The following KDM5B variants were observed in gnomAD, a reference collection of about 807,000 sequenced individuals.
KDM5B encodes the protein lysine-specific demethylase 5B.
KDM5B carries 144 observed loss-of-function variants against 193.4 expected under a neutral mutation model. The observed-to-expected ratio is 0.74, with a 90% CI of 0.65 to 0.86. KDM5B has a LOEUF of 0.86. Among genes scored for constraint, KDM5B ranks in the 40% least tolerant of loss-of-function variants. The pLI is 0.00. For missense variants in KDM5B, 1,833 were observed against 1,886.9 expected (o/e 0.97, Z 0.53); for synonymous variants, 668 against 682.6 (o/e 0.98, Z 0.33).
In KDM5B at chr1:202,740,776, T is replaced by C. The variant is rs1387984300; in HGVS notation, c.2982A>G (p.Val994=). ...RHSLNSLATA[V]KEIEEIPAYL... is the part of the protein sequence containing the mutation. ...ATGCAGGGATCTCTTCGATTTCCTTTACTGCCGTAGCAAGGCTATTCAATG... is the reference window on the plus strand; with the variant it reads ...ATGCAGGGATCTCTTCGATTTCCTTCACTGCCGTAGCAAGGCTATTCAATG... Residue 994 remains valine, a synonymous_variant, in exon 20 of 27, where the codon GTA becomes GTG. Transcript: ENST00000367265. 17 of 1,612,798 alleles carry C rather than the reference T, an allele frequency of 1.1e-5. No homozygotes were observed. Among genetic ancestry groups the C allele is most frequent in the Admixed American group, 3.3e-5 (2 of 60,008 alleles).
In KDM5B at chr1:202,762,732, C is replaced by T; in HGVS notation, c.885G>A (p.Lys295=). 1 of 1,609,268 alleles carries T rather than the reference C, an allele frequency of 6.2e-7. No individual in the cohort carries two copies. The part of the protein sequence containing the change: ...KDYIVENEKE[K]PKSRSKKATN... ...TGGCTTTTTTAGATCGACTCTTGGG[C>T]TTTTCCTTCTCATTTTCTACAATAT... Residue 295 remains lysine, a synonymous_variant, in exon 7 of 27, where the codon AAG becomes AAA. Coordinates refer to ENST00000367265, the MANE Select transcript of KDM5B (RefSeq NM_006618.5).
In KDM5B at chr1:202,745,805, A is replaced by T. The variant is rs933471837; in HGVS notation, c.2323+53T>A. On this transcript the variant is annotated intron_variant, in intron 16 of 26. Transcript: ENST00000367265. ...GTTTTGTTGACTTTAATTTGGCTAC[A>T]TCACAATAAGCCCCAATTTGCCAAT... 5.6e-6 allele frequency: 9 copies of T among 1,604,048 alleles called. No homozygotes were observed. In the African/African-American group the frequency reaches 1.1e-4, roughly 19 times the overall value.
chr1:202,783,305 C>T (rs1657272905), intron 1 of KDM5B, among the ~76,000 whole-genome samples: 1 of 151,226 alleles, frequency 6.6e-6, no homozygotes, highest in Non-Finnish European at 1.5e-5. Context: ...AAGAGACCAG[C>T]CCAGACTCGG....
intron 20 of KDM5B, 56 bp from the exon 21 acceptor site, chr1:202,736,448 A>C: frequency 7.2e-7 from 1 of 1,381,380 alleles, no homozygotes; most frequent in African/African-American, 1.5e-5. Flanking sequence ...TCTATGAAAA[A>C]CAGGAAAAGC....
intron 1 of KDM5B, among the ~76,000 whole-genome samples, chr1:202,789,390 G>A (rs1657543451): frequency 6.6e-6 from 1 of 150,676 alleles, no homozygotes; most frequent in South Asian, 2.1e-4. Flanking sequence ...ACGCGGTGGT[G>A]GGCGCCTATA....
Position 202,726,988 on chromosome 1 carries a change from CAT to C in KDM5B, c.*2046_*2047del, listed in dbSNP as rs1654695558. 6.6e-6 allele frequency: 1 copy of C among 152,216 alleles called. No homozygotes were observed. Among genetic ancestry groups the C allele is most frequent in the African/African-American group, 2.4e-5 (1 of 41,450 alleles). 9.4% of individuals were successfully genotyped at this position (152,216 alleles called of 1,614,324 possible). ...AGGGAGGGAGTGGTTCAAATACACA[CAT>C]GCCTACCTTTTCTAACTCACTCAGA... On this transcript the variant is annotated 3_prime_UTR_variant, in exon 27 of 27. Coordinates refer to ENST00000367265, the MANE Select transcript of KDM5B (RefSeq NM_006618.5).
intron 1 of KDM5B, among the ~76,000 whole-genome samples, chr1:202,786,520 A>G (rs1324418980): frequency 6.6e-6 from 1 of 152,180 alleles, no homozygotes; most frequent in Non-Finnish European, 1.5e-5. Flanking sequence ...GCAGTATTTC[A>G]CATTTATTAG....
At position 202,729,050 on chromosome 1, in the gene KDM5B, G is replaced by T; in HGVS notation, c.4621C>A (p.Pro1541Thr). ...ICVRCTVKDA[P>T]SRK ...TTTTTGTGTTTTTACTTTCGGCTTGGTGCGTCCTTCACAGTACAGCGCACA... is the reference window on the plus strand; with the variant it reads ...TTTTTGTGTTTTTACTTTCGGCTTGTTGCGTCCTTCACAGTACAGCGCACA... Residue 1541 changes from proline (P) to threonine (T), a missense_variant, in exon 27 of 27, where the codon CCA becomes ACA. Coordinates refer to ENST00000367265, the MANE Select transcript of KDM5B (RefSeq NM_006618.5). The T allele has an allele frequency of 6.2e-7, 1 of 1,613,964 alleles. No homozygotes were observed. Among genetic ancestry groups the T allele is most frequent in the Non-Finnish European group, 8.5e-7 (1 of 1,179,958 alleles).
chr1:202,756,000 T>G (rs2102263415), intron 10 of KDM5B, among the ~76,000 whole-genome samples: 1 of 152,018 alleles, frequency 6.6e-6, no homozygotes, highest in South Asian at 2.1e-4. Flanking sequence ...AAAATCACAC[T>G]TTCCTACCAA....
In KDM5B at chr1:202,733,583, G is replaced by T. The variant is rs869312703; in HGVS notation, c.3727C>A (p.Arg1243=). ...LPLLASLQRI[R]VRLPEGDALR... is the part of the protein sequence containing the mutation. ...GCATCTCCCTCAGGAAGGCGAACTC[G>T]GATACGCTGAAGGGAGGCGAGCAGG... Residue 1243 remains arginine, a synonymous_variant, in exon 23 of 27, where the codon CGA becomes AGA. Transcript: ENST00000367265. 5 of 1,613,974 alleles carry T rather than the reference G, an allele frequency of 3.1e-6. No homozygotes were observed. The highest frequency in any genetic ancestry group is 2.7e-5 in the African/African-American group (2 of 74,878).
chr1:202,756,109 G>A (rs1656000358), intron 10 of KDM5B, among the ~76,000 whole-genome samples: 1 of 152,100 alleles, frequency 6.6e-6, no homozygotes, highest in African/African-American at 2.4e-5. Flanking sequence ...CAGGCCTTCA[G>A]GTTTTCTTCA....
chr1:202,739,846 CA>C (rs1655238216), intron 20 of KDM5B, among the ~76,000 whole-genome samples: 1 of 152,224 alleles, frequency 6.6e-6, no homozygotes, highest in Non-Finnish European at 1.5e-5. Flanking sequence ...TGGTACAGAA[CA>C]AAATGAAAAG....
At chr1:202,739,711 C>T (rs543002554) in intron 20 of KDM5B, among the ~76,000 whole-genome samples, 15 of 152,288 alleles carry the variant, frequency 9.8e-5, no homozygotes, top group Admixed American at 9.8e-4. Context: ...ATCTGTTAAA[C>T]AAAGCACATC....
At position 202,799,858 on chromosome 1, in the gene KDM5B, T is replaced by G. The variant is rs79995341; in HGVS notation, c.204+8244A>C. ...ATGTGACCACCTGCCTGGTGGCATCTCCTATCTCAGAAATGAAGTTATTAT... is the reference window on the plus strand; with the variant it reads ...ATGTGACCACCTGCCTGGTGGCATCGCCTATCTCAGAAATGAAGTTATTAT... On this transcript the variant is annotated intron_variant, in intron 1 of 26. Coordinates refer to ENST00000367265, the MANE Select transcript of KDM5B (RefSeq NM_006618.5). Among the ~76,000 whole-genome samples, 1,195 of 152,260 alleles carry G rather than the reference T, an allele frequency of 7.8e-3. 18 individuals carry two copies. Among genetic ancestry groups the G allele is most frequent in the African/African-American group, 0.027 (1,116 of 41,542 alleles).
At chr1:202,807,984 G>T in intron 1 of KDM5B, 118 bp downstream of exon 1, 2 of 1,059,938 alleles carry the variant, frequency 1.9e-6, no homozygotes, top group South Asian at 1.8e-5. Flanking sequence ...CCCCAAACTT[G>T]ACGAGGCCGG....
At chr1:202,754,230 T>C (rs71635593) in intron 11 of KDM5B, among the ~76,000 whole-genome samples, 63 of 152,342 alleles carry the variant, frequency 4.1e-4, no homozygotes, top group Non-Finnish European at 6.6e-4. Context: ...ATTTTACAGC[T>C]GGGAGAAACT....
chr1:202,736,203 G>A lies in KDM5B; in HGVS notation c.3264+10C>T. The A allele has an allele frequency of 6.5e-7, 1 of 1,537,660 alleles. No homozygotes were observed. ...CTAAGGTCTTGCAGATGAGCTGGTTGTAAACTTACCTCTAAGAGAGAATAT... is the reference window on the plus strand; with the variant it reads ...CTAAGGTCTTGCAGATGAGCTGGTTATAAACTTACCTCTAAGAGAGAATAT... On this transcript the variant is annotated intron_variant, in intron 21 of 26. Coordinates refer to ENST00000367265, the MANE Select transcript of KDM5B (RefSeq NM_006618.5).
At chr1:202,744,608 C>G (rs1375018432) in intron 16 of KDM5B, among the ~76,000 whole-genome samples, 1 of 152,156 alleles carries the variant, frequency 6.6e-6, no homozygotes, top group African/African-American at 2.4e-5. Context: ...GATATCACCT[C>G]ATACCAGTCA....
chr1:202,784,681 T>C (rs987671878), intron 1 of KDM5B, among the ~76,000 whole-genome samples: 6 of 152,188 alleles, frequency 3.9e-5, no homozygotes, highest in Admixed American at 6.5e-5. Context: ...TGATGGAGTC[T>C]AATTGCCACT....
Sources: allele counts gnomAD v4.1 joint callset (sites outside exome capture counted in the v4.1 genomes callset), GRCh38; gene constraint gnomAD v4.1.1; transcripts MANE v1.5; gene names NCBI Gene and HGNC (gene_info 2026-07-23, HGNC 2026-07-21).